Variants in PPP1R12B observed in about 807,000 individuals in gnomAD.
PPP1R12B encodes protein phosphatase 1 regulatory subunit 12B.
In PPP1R12B, 76 loss-of-function variants were observed where a neutral mutation model predicts 126.1. The observed-to-expected ratio is 0.60, with a 90% CI of 0.50 to 0.73. PPP1R12B has a LOEUF of 0.73. Ranked by LOEUF, PPP1R12B falls within the 30% of genes least tolerant of loss-of-function variation. The pLI is 0.00. For synonymous variants in PPP1R12B, 356 were observed against 434.7 expected (o/e 0.82, Z 2.25); for missense variants, 1,052 against 1,205.1 (o/e 0.87, Z 1.88).
intron 13 of PPP1R12B, among the ~76,000 whole-genome samples, chr1:202,477,931 T>G (rs1676874797): frequency 6.6e-6 from 1 of 152,246 alleles, no homozygotes; most frequent in Non-Finnish European, 1.5e-5. Context: ...CTTCTCATGC[T>G]ACTAAACTGT....
intron 13 of PPP1R12B, among the ~76,000 whole-genome samples, chr1:202,454,692 G>A (rs1001178246): frequency 6.6e-6 from 1 of 152,118 alleles, no homozygotes; most frequent in Admixed American, 6.5e-5. Context: ...TTGGCACTTT[G>A]GGAGGCCAAG....
intron 10 of PPP1R12B, chr1:202,438,587 C>T (rs748121512): frequency 2.1e-6 from 1 of 470,190 alleles, no homozygotes; most frequent in Non-Finnish European, 4.0e-6. Flanking sequence ...GGGACATTGG[C>T]CCTAGAGTTC....
Position 202,422,886 on chromosome 1 carries a change from T to C in PPP1R12B, c.541+148T>C. On this transcript the variant is annotated intron_variant, in intron 3 of 23. Transcript: ENST00000608999. ...CACTGCATTAATCATTAATCCAGCATCATGTATCCTCATAATAACTCAGAC... is the reference window on the plus strand; with the variant it reads ...CACTGCATTAATCATTAATCCAGCACCATGTATCCTCATAATAACTCAGAC... The C allele has an allele frequency of 3.5e-6, 4 of 1,131,894 alleles. No homozygotes were observed. In the South Asian group the frequency reaches 6.5e-5, roughly 18 times the overall value. 70.1% of individuals were successfully genotyped at this position (1,131,894 alleles called of 1,614,324 possible).
chr1:202,515,902 TC>T (rs1682094600), intron 18 of PPP1R12B, among the ~76,000 whole-genome samples: 1 of 152,058 alleles, frequency 6.6e-6, no homozygotes, highest in Non-Finnish European at 1.5e-5. Context: ...CAGATGAACT[TC>T]CCTGAACCAA....
intron 10 of PPP1R12B, chr1:202,439,666 C>T (rs960818655): frequency 2.9e-6 from 2 of 688,576 alleles, no homozygotes; most frequent in Admixed American, 2.3e-5. Flanking sequence ...CCTGGTCCGG[C>T]CCCCTTCTCC....
At chr1:202,533,840 T>C (rs1684256547) in intron 18 of PPP1R12B, among the ~76,000 whole-genome samples, 1 of 152,234 alleles carries the variant, frequency 6.6e-6, no homozygotes, top group Non-Finnish European at 1.5e-5. Flanking sequence ...TTCTCCATGG[T>C]AAAGTTAGTT....
chr1:202,392,206 A>G (rs1358133357), intron 1 of PPP1R12B, among the ~76,000 whole-genome samples: 1 of 152,184 alleles, frequency 6.6e-6, no homozygotes, highest in Non-Finnish European at 1.5e-5. Flanking sequence ...AGCATTATTC[A>G]TAATAACCAA....
At chr1:202,388,006 T>C (rs1471437812) in intron 1 of PPP1R12B, among the ~76,000 whole-genome samples, 2 of 151,720 alleles carry the variant, frequency 1.3e-5, no homozygotes, top group African/African-American at 4.8e-5. Context: ...GAAAAAAAAT[T>C]ATATAAATTT....
chr1:202,442,636 T>C (rs932795417), intron 12 of PPP1R12B, 64 bp downstream of exon 12: 22 of 1,457,328 alleles, frequency 1.5e-5, no homozygotes, highest in Admixed American at 2.2e-5. Context: ...TGGGTAATGA[T>C]TGTATGCCTT....
chr1:202,423,649 T>G (rs186652234), intron 3 of PPP1R12B, among the ~76,000 whole-genome samples: 2 of 152,254 alleles, frequency 1.3e-5, no homozygotes, highest in East Asian at 3.9e-4. Flanking sequence ...TTTGCTGCCT[T>G]TCATGTATAG....
At chr1:202,517,770 C>G (rs1405602676) in intron 18 of PPP1R12B, among the ~76,000 whole-genome samples, 1 of 151,944 alleles carries the variant, frequency 6.6e-6, no homozygotes, top group Non-Finnish European at 1.5e-5. Flanking sequence ...GGATTACAGG[C>G]GACCACTATC....
At chr1:202,467,127 T>C (rs1332333757) in intron 13 of PPP1R12B, among the ~76,000 whole-genome samples, 1 of 151,998 alleles carries the variant, frequency 6.6e-6, no homozygotes, top group Admixed American at 6.6e-5. Flanking sequence ...CTTTCTTATA[T>C]GCAAATCTCA....
At chr1:202,384,936 C>A (rs189005331) in intron 1 of PPP1R12B, among the ~76,000 whole-genome samples, 2 of 152,304 alleles carry the variant, frequency 1.3e-5, no homozygotes, top group East Asian at 1.9e-4. Flanking sequence ...TTTCCACTTA[C>A]AATTGCTGTT....
chr1:202,529,441 G>A (rs1394343293), intron 18 of PPP1R12B, among the ~76,000 whole-genome samples: 1 of 152,100 alleles, frequency 6.6e-6, no homozygotes. Context: ...TAAATTTCTA[G>A]ATGAATCATA....
chr1:202,360,835 G>A (rs1376037829), intron 1 of PPP1R12B, among the ~76,000 whole-genome samples: 1 of 151,720 alleles, frequency 6.6e-6, no homozygotes, highest in Non-Finnish European at 1.5e-5. Flanking sequence ...AATATTTTCC[G>A]TGATTGGCAG....
chr1:202,463,706 A>G (rs1330564652), intron 13 of PPP1R12B, among the ~76,000 whole-genome samples: 1 of 152,208 alleles, frequency 6.6e-6, no homozygotes, highest in Non-Finnish European at 1.5e-5. Context: ...TGTGTATAAG[A>G]TGAGAAGTTT....
At chr1:202,506,043 A>G (rs761788806) in intron 18 of PPP1R12B, among the ~76,000 whole-genome samples, 3 of 152,210 alleles carry the variant, frequency 2.0e-5, no homozygotes, top group Non-Finnish European at 4.4e-5. Flanking sequence ...CACGTGTAGA[A>G]AAGCAAGCTG....
intron 18 of PPP1R12B, among the ~76,000 whole-genome samples, chr1:202,504,192 C>A (rs1378912563): frequency 6.6e-6 from 1 of 152,012 alleles, no homozygotes; most frequent in Non-Finnish European, 1.5e-5. Context: ...GTCAGGAGTT[C>A]GAGACCAGCC....
At chr1:202,554,903 T>A (rs1248335118) in intron 18 of PPP1R12B, among the ~76,000 whole-genome samples, 3 of 151,930 alleles carry the variant, frequency 2.0e-5, no homozygotes, top group East Asian at 3.9e-4. Flanking sequence ...GGACAAAAAC[T>A]GGTATGGGAA....
Sources: gnomAD v4.1 joint callset for allele counts (sites outside exome capture counted in the v4.1 genomes callset) on GRCh38, gnomAD v4.1.1 for gene constraint, MANE v1.5 for transcripts, NCBI Gene and HGNC (gene_info 2026-07-23, HGNC 2026-07-21) for gene names.